PPP1R13B: variants seen among roughly 807,000 people sequenced by gnomAD.
The protein encoded by PPP1R13B is protein phosphatase 1 regulatory subunit 13B.
In PPP1R13B, 44 loss-of-function variants were observed where a neutral mutation model predicts 119.8. The observed-to-expected ratio is 0.37, with a 90% confidence interval of 0.29 to 0.47. The LOEUF (loss-of-function observed/expected upper bound fraction) is 0.47, where lower values mean the gene tolerates loss of function less well. Among genes scored for constraint, PPP1R13B ranks in the 20% least tolerant of loss-of-function variants. PPP1R13B has a pLI of 0.99. For synonymous variants in PPP1R13B, 542 were observed against 561.5 expected (o/e 0.97, Z 0.49); for missense variants, 1,227 against 1,413.5 (o/e 0.87, Z 2.12).
At chr14:103,833,208 T>C (rs765631490) in intron 1 of PPP1R13B, among the ~76,000 whole-genome samples, 2 of 152,320 alleles carry the variant, frequency 1.3e-5, no homozygotes, top group African/African-American at 4.8e-5. Context: ...CAAATTCTTA[T>C]GTAGGTAATA....
chr14:103,775,016 A>C (rs1214993831), intron 4 of PPP1R13B, among the ~76,000 whole-genome samples: 2 of 152,178 alleles, frequency 1.3e-5, no homozygotes, highest in Admixed American at 1.3e-4. Flanking sequence ...AATTTTGTTG[A>C]TCTTGAAATA....
chr14:103,834,012 G>A (rs770164876), intron 1 of PPP1R13B, among the ~76,000 whole-genome samples: 1 of 152,178 alleles, frequency 6.6e-6, no homozygotes, highest in African/African-American at 2.4e-5. Context: ...ATACTGCAGT[G>A]GGAAAAGAAA....
chr14:103,818,016 T>A (rs1199460879), intron 1 of PPP1R13B, among the ~76,000 whole-genome samples: 3 of 152,198 alleles, frequency 2.0e-5, no homozygotes, highest in Non-Finnish European at 2.9e-5. Flanking sequence ...ACTTTTTTTT[T>A]ATAATGAAAG....
At chr14:103,735,310 G>C in intron 16 of PPP1R13B, 115 bp from the exon 17 acceptor site, 1 of 963,744 alleles carries the variant, frequency 1.0e-6, no homozygotes, top group South Asian at 1.3e-5. Context: ...CAGCACCCTT[G>C]TCCCTCAGGC....
intron 1 of PPP1R13B, among the ~76,000 whole-genome samples, chr14:103,803,664 T>TA (rs1467654447): frequency 2.0e-5 from 3 of 147,362 alleles, no homozygotes; most frequent in East Asian, 2.0e-4. Context: ...AATAAATAAA[T>TA]AATTAATTAA....
In PPP1R13B at chr14:103,797,357, G is replaced by C; in HGVS notation, c.157+14C>G. 6.2e-7 allele frequency: 1 copy of C among 1,606,278 alleles called. No individual in the cohort carries two copies. Among genetic ancestry groups the C allele is most frequent in the South Asian group, 1.1e-5 (1 of 89,456 alleles). On this transcript the variant is annotated intron_variant, in intron 2 of 16. Coordinates refer to ENST00000202556, the MANE Select transcript of PPP1R13B (RefSeq NM_015316.3). ...TTTATCAATGTAACAATCTTTACAGGACCTAATACATACCATTTCCCCTCC... is the reference window on the plus strand; with the variant it reads ...TTTATCAATGTAACAATCTTTACAGCACCTAATACATACCATTTCCCCTCC...
intron 1 of PPP1R13B, among the ~76,000 whole-genome samples, chr14:103,820,158 C>T (rs1263362648): frequency 6.6e-6 from 1 of 152,152 alleles, no homozygotes; most frequent in African/African-American, 2.4e-5. Flanking sequence ...TAGGGAGGGA[C>T]GCGTGAGAAG....
intron 5 of PPP1R13B, 86 bp downstream of exon 5, chr14:103,757,564 C>T: frequency 8.0e-7 from 1 of 1,253,148 alleles, no homozygotes; most frequent in Non-Finnish European, 1.1e-6. Flanking sequence ...TAAGCGTTAC[C>T]CAAGAATATA....
chr14:103,847,583 G>A (rs1473655973), upstream of PPP1R13B: 136 of 985,888 alleles, frequency 1.4e-4, no homozygotes, highest in Non-Finnish European at 1.6e-4. Flanking sequence ...CCTGCGGCCC[G>A]CCCGCCCGGC....
chr14:103,848,391 G>A (rs2152095633), upstream of PPP1R13B: 1 of 985,450 alleles, frequency 1.0e-6, no homozygotes, highest in South Asian at 4.7e-5. Flanking sequence ...CCTCGGGCCT[G>A]AGCGCCGGAG....
intron 1 of PPP1R13B, among the ~76,000 whole-genome samples, chr14:103,828,427 C>A (rs2086599653): frequency 1.3e-5 from 2 of 150,860 alleles, no homozygotes; most frequent in Admixed American, 1.3e-4. Context: ...GGCAGTGTTA[C>A]CTTTTATGTA....
At chr14:103,839,562 G>A (rs138647361) in intron 1 of PPP1R13B, among the ~76,000 whole-genome samples, 3 of 151,770 alleles carry the variant, frequency 2.0e-5, no homozygotes, top group African/African-American at 7.2e-5. Context: ...GGGAGGTGGA[G>A]GTTGTGGTGA....
At chr14:103,792,797 G>A (rs1459219018) in intron 2 of PPP1R13B, among the ~76,000 whole-genome samples, 5 of 151,998 alleles carry the variant, frequency 3.3e-5, no homozygotes, top group Non-Finnish European at 7.4e-5. Context: ...GAGGCTGGGT[G>A]CAGTGGCTCA....
rs959601760 is a variant in PPP1R13B at position 103,738,013 on chromosome 14, G to A, written c.2865-153C>T. Among the ~76,000 whole-genome samples, 1 of 152,204 alleles carries A rather than the reference G, an allele frequency of 6.6e-6. No homozygotes were observed. Among genetic ancestry groups the A allele is most frequent in the Non-Finnish European group, 1.5e-5 (1 of 68,038 alleles). On this transcript the variant is annotated intron_variant, in intron 14 of 16. Transcript: ENST00000202556. The surrounding 1 kb of genome is among the most constrained non-coding windows in gnomAD (Gnocchi z 5.6). ...GTTTCTTTAAAGGCAGGATTTCCAT[G>A]AGCCAATTGTTTCAGACCATACATA... is the stretch of plus-strand genomic sequence containing the variant.
At chr14:103,844,393 A>T (rs968282541) in intron 1 of PPP1R13B, among the ~76,000 whole-genome samples, 3 of 152,170 alleles carry the variant, frequency 2.0e-5, no homozygotes, top group Non-Finnish European at 4.4e-5. Flanking sequence ...TATTCTCAAC[A>T]GCTGAGAGAC....
chr14:103,847,585 C>A (rs1180330267), upstream of PPP1R13B: 4 of 986,672 alleles, frequency 4.1e-6, no homozygotes, highest in African/African-American at 5.3e-5. Context: ...TGCGGCCCGC[C>A]CGCCCGGCTC....
At chr14:103,762,181 T>C (rs1264529896) in intron 4 of PPP1R13B, among the ~76,000 whole-genome samples, 1 of 152,194 alleles carries the variant, frequency 6.6e-6, no homozygotes, top group Non-Finnish European at 1.5e-5. Context: ...AGAGAACATG[T>C]ATATGTTTAA....
intron 1 of PPP1R13B, among the ~76,000 whole-genome samples, chr14:103,839,719 C>T (rs2152086213): frequency 6.6e-6 from 1 of 152,228 alleles, no homozygotes; most frequent in Non-Finnish European, 1.5e-5. Context: ...TCTCCATCAC[C>T]TGACTTCACC....
intron 1 of PPP1R13B, among the ~76,000 whole-genome samples, chr14:103,822,357 A>G (rs1477597437): frequency 3.3e-5 from 5 of 151,902 alleles, no homozygotes; most frequent in Non-Finnish European, 7.4e-5. Flanking sequence ...CTGGTGTCCA[A>G]CTCCTGAACT....
Sources: gnomAD v4.1 joint callset for allele counts (sites outside exome capture counted in the v4.1 genomes callset) on GRCh38, gnomAD v4.1.1 for gene constraint, Gnocchi (gnomAD v3.1) non-coding constraint, MANE v1.5 for transcripts, NCBI Gene and HGNC (gene_info 2026-07-23, HGNC 2026-07-21) for gene names.